The following PCSK6 variants were observed in gnomAD, a reference collection of about 807,000 sequenced individuals.
PCSK6 encodes the protein paired basic amino acid cleaving enzyme 4.
Under a neutral mutation model 123.3 loss-of-function variants are expected in PCSK6, and 85 were observed. The observed-to-expected ratio is 0.69, with a 90% CI of 0.58 to 0.83. The LOEUF (loss-of-function observed/expected upper bound fraction) is 0.83, where lower values mean the gene tolerates loss of function less well. Ranked by LOEUF, PCSK6 falls within the 40% of genes least tolerant of loss-of-function variation. PCSK6 has a pLI of 0.00. For missense variants in PCSK6, 1,191 were observed against 1,282.3 expected (o/e 0.93, Z 1.09); for synonymous variants, 508 against 516.0 (o/e 0.98, Z 0.21).
At chr15:101,314,210 T>A (rs1440737835) in intron 19 of PCSK6, among the ~76,000 whole-genome samples, 2 of 152,110 alleles carry the variant, frequency 1.3e-5, no homozygotes, top group East Asian at 3.9e-4. Context: ...ACAACAGTTC[T>A]GAGCAAAGGG....
intron 18 of PCSK6, 28 bp from the exon 19 acceptor site, chr15:101,318,450 A>G: frequency 6.6e-7 from 1 of 1,525,050 alleles, no homozygotes; most frequent in Non-Finnish European, 8.9e-7. Flanking sequence ...GCAGATTTCC[A>G]CATCCATTCC....
chr15:101,370,259 A>T, intron 12 of PCSK6, 76 bp downstream of exon 12: 1 of 1,280,300 alleles, frequency 7.8e-7, no homozygotes, highest in Non-Finnish European at 1.0e-6. Context: ...CTGTGGGCCC[A>T]AGACTGGACA....
At chr15:101,384,231 C>G in intron 10 of PCSK6, 91 bp downstream of exon 10, 5 of 1,551,074 alleles carry the variant, frequency 3.2e-6, no homozygotes, top group Non-Finnish European at 4.4e-6. Context: ...ACAACTAATG[C>G]TATTTGGAGA....
At chr15:101,359,123 C>G (rs1357474475) in intron 13 of PCSK6, among the ~76,000 whole-genome samples, 1 of 152,152 alleles carries the variant, frequency 6.6e-6, no homozygotes, top group Non-Finnish European at 1.5e-5. Context: ...GTTTCTGGAC[C>G]ACATTCAGGA....
intron 9 of PCSK6, among the ~76,000 whole-genome samples, chr15:101,385,179 G>T (rs1231024592): frequency 2.1e-5 from 1 of 46,868 alleles, no homozygotes; most frequent in Non-Finnish European, 3.9e-5. Flanking sequence ...ACCACACCCG[G>T]CTAATTTTTT....
intron 1 of PCSK6, among the ~76,000 whole-genome samples, chr15:101,465,567 C>G (rs28529205): frequency 6.6e-6 from 1 of 152,052 alleles, no homozygotes; most frequent in African/African-American, 2.4e-5. Flanking sequence ...CTGTTGCCTT[C>G]TGAGACACTG....
At chr15:101,467,414 A>T (rs2057490349) in intron 1 of PCSK6, among the ~76,000 whole-genome samples, 1 of 151,590 alleles carries the variant, frequency 6.6e-6, no homozygotes, top group African/African-American at 2.4e-5. Context: ...TGGGACTACG[A>T]GTGCCCACCA....
chr15:101,342,926 G>A (rs184818122), intron 13 of PCSK6, among the ~76,000 whole-genome samples: 1 of 151,550 alleles, frequency 6.6e-6, no homozygotes, highest in African/African-American at 2.4e-5. Flanking sequence ...CCAAACTCTG[G>A]CTTCATTCAA....
At chr15:101,458,766 C>T (rs920208703) in intron 1 of PCSK6, among the ~76,000 whole-genome samples, 3 of 152,282 alleles carry the variant, frequency 2.0e-5, no homozygotes, top group Non-Finnish European at 2.9e-5. Flanking sequence ...ACGCTCTCTG[C>T]GACGCGTCTA....
chr15:101,404,636 T>C (rs2042714682), intron 6 of PCSK6, among the ~76,000 whole-genome samples: 2 of 152,322 alleles, frequency 1.3e-5, no homozygotes, highest in African/African-American at 2.4e-5. Context: ...CCTTGGGCCA[T>C]GGTCTCAACC....
chr15:101,382,741 C>G (rs1305148874), intron 10 of PCSK6, among the ~76,000 whole-genome samples: 2 of 152,088 alleles, frequency 1.3e-5, no homozygotes, highest in Non-Finnish European at 2.9e-5. Flanking sequence ...CTGGCCCGGT[C>G]CAGTATTTAA....
At chr15:101,360,137 G>C (rs898281655) in intron 13 of PCSK6, among the ~76,000 whole-genome samples, 2 of 152,160 alleles carry the variant, frequency 1.3e-5, no homozygotes, top group African/African-American at 4.8e-5. Flanking sequence ...CCTGCTTTCA[G>C]AATCTGACTG....
intron 20 of PCSK6, among the ~76,000 whole-genome samples, chr15:101,311,358 C>G (rs1451759331): frequency 6.6e-6 from 1 of 150,610 alleles, no homozygotes; most frequent in African/African-American, 2.5e-5. Flanking sequence ...AACTCCTGGC[C>G]TCAGGTGATC....
At chr15:101,359,443 C>T (rs1388325980) in intron 13 of PCSK6, among the ~76,000 whole-genome samples, 1 of 152,258 alleles carries the variant, frequency 6.6e-6, no homozygotes, top group Non-Finnish European at 1.5e-5. Flanking sequence ...CTCTGTAGCA[C>T]ACAGAGCATC....
intron 7 of PCSK6, among the ~76,000 whole-genome samples, chr15:101,395,519 G>T (rs543770774): frequency 2.6e-5 from 4 of 152,340 alleles, no homozygotes; most frequent in African/African-American, 9.6e-5. Flanking sequence ...CGGTTTCTGG[G>T]AAGGAGACAT....
chr15:101,357,089 A>C (rs2041066111), intron 13 of PCSK6, among the ~76,000 whole-genome samples: 2 of 152,240 alleles, frequency 1.3e-5, no homozygotes, highest in African/African-American at 4.8e-5. Context: ...TTTTCTTTTA[A>C]AGCAATTAAC....
At chr15:101,418,390 T>C (rs1009657194) in intron 6 of PCSK6, among the ~76,000 whole-genome samples, 1 of 152,148 alleles carries the variant, frequency 6.6e-6, no homozygotes, top group Non-Finnish European at 1.5e-5. Flanking sequence ...TGTGATTCTA[T>C]CCATTTTATA....
chr15:101,441,713 G>A (rs777962743), intron 2 of PCSK6, among the ~76,000 whole-genome samples: 3 of 152,190 alleles, frequency 2.0e-5, no homozygotes, highest in South Asian at 2.1e-4. Flanking sequence ...CACGGTCCCC[G>A]TCTCTTCTCA....
chr15:101,445,417 G>C (rs2056862795), intron 1 of PCSK6, among the ~76,000 whole-genome samples: 1 of 152,188 alleles, frequency 6.6e-6, no homozygotes, highest in South Asian at 2.1e-4. Flanking sequence ...AGACCCAGCA[G>C]GCAGGTAGTA....
Sources: allele counts gnomAD v4.1 joint callset (sites outside exome capture counted in the v4.1 genomes callset), GRCh38; gene constraint gnomAD v4.1.1; transcripts MANE v1.5; gene names NCBI Gene and HGNC (gene_info 2026-07-23, HGNC 2026-07-21).